GABRB3: variants seen among roughly 807,000 people sequenced by gnomAD.
GABRB3 encodes the protein gamma-aminobutyric acid receptor subunit beta-3.
GABRB3 carries 14 observed loss-of-function variants against 52.1 expected under a neutral mutation model. That is an observed-to-expected ratio of 0.27 (90% CI 0.18 to 0.42). The LOEUF (loss-of-function observed/expected upper bound fraction) is 0.42. Among genes scored for constraint, GABRB3 ranks in the 10% least tolerant of loss-of-function variants. The pLI, the probability that GABRB3 is intolerant of heterozygous loss-of-function variation, is 1.00. For missense variants in GABRB3, 307 were observed against 609.1 expected (o/e 0.50, Z 5.22); for synonymous variants, 260 against 232.3 (o/e 1.12, Z -1.08).
chr15:26,677,839 A>G (rs1888116345), intron 3 of GABRB3, among the ~76,000 whole-genome samples: 1 of 152,194 alleles, frequency 6.6e-6, no homozygotes, highest in Admixed American at 6.5e-5. Context: ...TAAATCAGGG[A>G]ACTAAAACTG....
At chr15:26,707,373 A>G (rs1889137260) in intron 3 of GABRB3, among the ~76,000 whole-genome samples, 1 of 152,212 alleles carries the variant, frequency 6.6e-6, no homozygotes, top group South Asian at 2.1e-4. Context: ...AAGTCCAGGC[A>G]AGAAATGGCA....
At chr15:26,747,817 G>A (rs1426537679) in intron 3 of GABRB3, among the ~76,000 whole-genome samples, 1 of 152,060 alleles carries the variant, frequency 6.6e-6, no homozygotes, top group Non-Finnish European at 1.5e-5. Flanking sequence ...TATAATGACA[G>A]CTGTAGGATT....
intron 3 of GABRB3, among the ~76,000 whole-genome samples, chr15:26,674,865 G>C (rs1888019234): frequency 6.6e-6 from 1 of 152,210 alleles, no homozygotes; most frequent in Non-Finnish European, 1.5e-5. Context: ...GGATCAACAG[G>C]ACACTCCTGC....
intron 3 of GABRB3, among the ~76,000 whole-genome samples, chr15:26,760,527 A>G (rs1210103291): frequency 6.6e-6 from 1 of 152,212 alleles, no homozygotes; most frequent in Non-Finnish European, 1.5e-5. Context: ...GATAATTAAC[A>G]TTCCAAACAG....
At chr15:26,707,510 C>G (rs527287039) in intron 3 of GABRB3, among the ~76,000 whole-genome samples, 1 of 152,090 alleles carries the variant, frequency 6.6e-6, no homozygotes, top group African/African-American at 2.4e-5. Context: ...GAAAGGGTCA[C>G]GTGTGAGCCT....
chr15:26,655,228 G>T (rs900361373), intron 3 of GABRB3, among the ~76,000 whole-genome samples: 10 of 152,086 alleles, frequency 6.6e-5, no homozygotes, highest in African/African-American at 2.4e-4. Context: ...AAAATTTCAT[G>T]CTGAACATCT....
intron 3 of GABRB3, among the ~76,000 whole-genome samples, chr15:26,634,346 C>A (rs758056243): frequency 6.6e-6 from 1 of 152,118 alleles, no homozygotes; most frequent in Non-Finnish European, 1.5e-5. Context: ...CGCCCACTCA[C>A]GCAACCCAAC....
intron 3 of GABRB3, chr15:26,642,569 T>C (rs1277407588): frequency 3.3e-5 from 37 of 1,120,778 alleles, no homozygotes; most frequent in East Asian, 5.8e-5. Flanking sequence ...TTTGAATTAC[T>C]GTTCTCATGC....
intron 3 of GABRB3, chr15:26,629,028 A>C (rs1158691585): frequency 6.5e-7 from 1 of 1,536,148 alleles, no homozygotes. Flanking sequence ...GTCTCCCGGT[A>C]TCCCGGTGCT....
intron 4 of GABRB3, among the ~76,000 whole-genome samples, chr15:26,619,827 C>T (rs1892408124): frequency 6.6e-6 from 1 of 151,646 alleles, no homozygotes; most frequent in African/African-American, 2.4e-5. Context: ...GTGCACACAC[C>T]TACAACACAC....
At chr15:26,616,147 C>G in intron 4 of GABRB3, 1 of 1,192,084 alleles carries the variant, frequency 8.4e-7, no homozygotes, top group Non-Finnish European at 1.1e-6. Context: ...GCCAGTGCAA[C>G]AGTAAAAAGA....
chr15:26,772,653 C>T, intron 2 of GABRB3, 28 bp downstream of exon 2: 1 of 1,537,984 alleles, frequency 6.5e-7, no homozygotes, highest in Non-Finnish European at 8.8e-7. Context: ...GTCGCGCTTC[C>T]CGCAACGGCC....
At chr15:26,637,606 G>GT (rs1469693815) in intron 3 of GABRB3, among the ~76,000 whole-genome samples, 13 of 152,130 alleles carry the variant, frequency 8.5e-5, no homozygotes, top group Non-Finnish European at 1.2e-4. Context: ...AGATCTGTAT[G>GT]TTTTTTCAGA....
At chr15:26,709,462 T>G (rs1278743534) in intron 3 of GABRB3, among the ~76,000 whole-genome samples, 1 of 152,002 alleles carries the variant, frequency 6.6e-6, no homozygotes, top group Non-Finnish European at 1.5e-5. Context: ...CCATGCTTCT[T>G]GCACAGCCTG....
At chr15:26,742,492 G>T (rs1488167861) in intron 3 of GABRB3, among the ~76,000 whole-genome samples, 1 of 151,860 alleles carries the variant, frequency 6.6e-6, no homozygotes, top group Non-Finnish European at 1.5e-5. Flanking sequence ...GCAAGCTTTT[G>T]CTCCATCAGA....
At chr15:26,654,069 T>C (rs1887285604) in intron 3 of GABRB3, among the ~76,000 whole-genome samples, 1 of 152,206 alleles carries the variant, frequency 6.6e-6, no homozygotes, top group Non-Finnish European at 1.5e-5. Context: ...TTTCTTGCAA[T>C]CTACAGAAGA....
intron 4 of GABRB3, among the ~76,000 whole-genome samples, chr15:26,601,764 C>A (rs1212821812): frequency 6.6e-6 from 1 of 151,704 alleles, no homozygotes; most frequent in Non-Finnish European, 1.5e-5. Context: ...TACAATGATA[C>A]ATAAAAAATA....
At chr15:26,721,870 T>C (rs549403110) in intron 3 of GABRB3, among the ~76,000 whole-genome samples, 51 of 152,028 alleles carry the variant, frequency 3.4e-4, no homozygotes, top group African/African-American at 1.2e-3. Context: ...TCCCAGAGGA[T>C]GTAGTGGCAT....
At chr15:26,609,159 T>G (rs980728135) in intron 4 of GABRB3, among the ~76,000 whole-genome samples, 1 of 150,426 alleles carries the variant, frequency 6.6e-6, no homozygotes, top group African/African-American at 2.5e-5. Flanking sequence ...TCAGTATTAA[T>G]AAAGAAAAAA....
Sources: gnomAD v4.1 joint callset for allele counts (sites outside exome capture counted in the v4.1 genomes callset) on GRCh38, gnomAD v4.1.1 for gene constraint, MANE v1.5 for transcripts, NCBI Gene and HGNC (gene_info 2026-07-23, HGNC 2026-07-21) for gene names.